The following AKT1 variants were observed in gnomAD, a reference collection of about 807,000 sequenced individuals.
AKT1 encodes RAC-alpha serine/threonine-protein kinase.
A neutral mutation model predicts 63.1 loss-of-function variants in AKT1; 21 were observed. The observed-to-expected ratio is 0.33, with a 90% CI of 0.24 to 0.48. The LOEUF is 0.48. Among genes scored for constraint, AKT1 ranks in the 20% least tolerant of loss-of-function variants. The pLI is 0.99. For synonymous variants in AKT1, 257 were observed against 253.1 expected, an observed-to-expected ratio of 1.02 and a Z score of -0.15; for missense variants, 382 against 666.0, an observed-to-expected ratio of 0.57 and a Z score of 4.69.
Position 104,770,742 on chromosome 14 carries a change from C to A in AKT1, c.1363+3G>T. The A allele has an allele frequency of 6.2e-7, 1 of 1,613,616 alleles. No individual in the cohort carries two copies. The highest frequency in any genetic ancestry group is 8.5e-7 in the Non-Finnish European group (1 of 1,179,606). ...TGGGCGGGGGCAGGCAGTGGCCCCT[C>A]ACCTTGGTCAGGTGGTGTGATGGTG... On this transcript the variant is annotated splice_donor_region_variant and intron_variant, in intron 14 of 14. Coordinates refer to ENST00000649815, the MANE Select transcript of AKT1 (RefSeq NM_001382430.1).
chr14:104,770,857 T>G lies in AKT1; in HGVS notation c.1261-10A>C, dbSNP rs1278310321. The G allele has an allele frequency of 4.3e-6, 7 of 1,612,588 alleles. No individual in the cohort carries two copies. Among genetic ancestry groups the G allele is most frequent in the East Asian group, 4.5e-5 (2 of 44,844 alleles). ...TGAAGGGTGGGCTGAGCTGCAGAGG[T>G]GGGCAGACGGGACAGTCATGAGCTT... On this transcript the variant is annotated splice_polypyrimidine_tract_variant and intron_variant, in intron 13 of 14. Coordinates refer to ENST00000649815, the MANE Select transcript of AKT1 (RefSeq NM_001382430.1).
chr14:104,777,015 G>T lies in AKT1; in HGVS notation c.176-245C>A, dbSNP rs190333080. On this transcript the variant is annotated intron_variant, in intron 4 of 14. Transcript: ENST00000649815. ...CACAGGGCATCTGGCCCGGCGTCAGGTCAAACCCCCACCATCGTCCACTCC... is the reference window on the plus strand; with the variant it reads ...CACAGGGCATCTGGCCCGGCGTCAGTTCAAACCCCCACCATCGTCCACTCC... The T allele has an allele frequency of 5.7e-3, 2,786 of 485,658 alleles. 36 individuals are homozygous for T. The highest frequency in any genetic ancestry group is 8.2e-3 in the Non-Finnish European group (2,190 of 266,866). The allele number at this position is 485,658 out of a possible 1,614,324, so 30.1% of individuals were successfully genotyped here.
At chr14:104,788,028 C>T (rs1003811521) in intron 3 of AKT1, among the ~76,000 whole-genome samples, 25 of 152,310 alleles carry the variant, frequency 1.6e-4, no homozygotes, top group Admixed American at 1.4e-3. Context: ...AGGCCCAGGG[C>T]TGTTGGGACC....
Position 104,795,535 on chromosome 14 carries a change from G to A in AKT1, c.-309C>T, listed in dbSNP as rs1464878600. On this transcript the variant is annotated 5_prime_UTR_variant, in exon 1 of 15. Transcript: ENST00000649815. The surrounding 1 kb of genome is among the most constrained non-coding windows in gnomAD (Gnocchi z 5.1). ...CGGGCCTAGCCGGGCCGCGGCCTCC[G>A]GCGCCCGCCGCTCCGCATCCCCGCG... The A allele has an allele frequency of 6.9e-6, 1 of 145,766 alleles. No homozygotes were observed. The highest frequency in any genetic ancestry group is 1.5e-5 in the Non-Finnish European group (1 of 65,644). 9.0% of individuals were successfully genotyped at this position (145,766 alleles called of 1,614,324 possible). A position where few individuals can be genotyped will look rare whatever the true frequency, so the allele number is the denominator to read the frequency against.
chr14:104,789,597 A>G (rs890699339), intron 3 of AKT1, among the ~76,000 whole-genome samples: 2 of 152,248 alleles, frequency 1.3e-5, no homozygotes, highest in African/African-American at 4.8e-5. Flanking sequence ...TCAGCCTTCA[A>G]AAATCAGGAG....
chr14:104,780,346 T>C, intron 3 of AKT1, 130 bp from the exon 4 acceptor site: 1 of 1,302,474 alleles, frequency 7.7e-7, no homozygotes, highest in Admixed American at 2.6e-5. Context: ...GCAGGCGCGG[T>C]ACGGGAGCTG....
chr14:104,777,836 G>A (rs1377714064), intron 4 of AKT1: 2 of 451,156 alleles, frequency 4.4e-6, no homozygotes, highest in South Asian at 9.3e-5. Context: ...CTCGGGACCA[G>A]CCTGGTGGGG....
rs1041635039 is a variant in AKT1 at position 104,779,733 on chromosome 14, G to A, written c.175+355C>T. Among the ~76,000 whole-genome samples the A allele has an allele frequency of 3.6e-3, 526 of 144,570 alleles. 4 individuals carry two copies. Among genetic ancestry groups the A allele is most frequent in the African/African-American group, 0.013 (491 of 37,614 alleles). The allele number at this position is 144,570 out of a possible 152,430, so 94.8% of individuals were successfully genotyped here. On this transcript the variant is annotated intron_variant, in intron 4 of 14. Transcript: ENST00000649815. ...CCCCGGCCCAGCCAGCCTCGGCCTC[G>A]GGACTCGGACCAGAGACCCCCGCCC... is the stretch of plus-strand genomic sequence containing the variant.
At chr14:104,776,954 C>G (rs1335901326) in intron 4 of AKT1, 184 bp from the exon 5 acceptor site, 2 of 570,758 alleles carry the variant, frequency 3.5e-6, no homozygotes, top group East Asian at 6.0e-5. Flanking sequence ...GACCCCTGTT[C>G]CAGCTCAGAC....
At chr14:104,781,964 A>G (rs1238782639) in intron 3 of AKT1, among the ~76,000 whole-genome samples, 1 of 152,194 alleles carries the variant, frequency 6.6e-6, no homozygotes, top group African/African-American at 2.4e-5. Flanking sequence ...GCTGCCGAGC[A>G]GGCGTGGTCC....
intron 4 of AKT1, chr14:104,778,433 C>G (rs1158103461): frequency 6.6e-6 from 1 of 152,278 alleles, no homozygotes; most frequent in Non-Finnish European, 1.5e-5. Flanking sequence ...GGGTGCCCTA[C>G]TCTATCAGGC....
intron 3 of AKT1, among the ~76,000 whole-genome samples, chr14:104,791,711 T>G (rs1291024591): frequency 6.6e-6 from 1 of 152,202 alleles, no homozygotes; most frequent in Non-Finnish European, 1.5e-5. Flanking sequence ...CTACCAGATG[T>G]GAAACCCATC....
intron 14 of AKT1, 161 bp from the exon 15 acceptor site, chr14:104,770,581 C>T: frequency 1.1e-5 from 10 of 909,734 alleles, no homozygotes; most frequent in Non-Finnish European, 1.5e-5. Context: ...GGGACCTGGG[C>T]CCTCAGAGCA....
chr14:104,782,300 T>C (rs1356950209), intron 3 of AKT1, among the ~76,000 whole-genome samples: 1 of 152,028 alleles, frequency 6.6e-6, no homozygotes, highest in African/African-American at 2.4e-5. Context: ...CCCGGGACGC[T>C]AACTGAGCGG....
At chr14:104,790,251 AGCACCCT>A (rs1264263912) in intron 3 of AKT1, among the ~76,000 whole-genome samples, 1 of 152,172 alleles carries the variant, frequency 6.6e-6, no homozygotes, top group African/African-American at 2.4e-5. Flanking sequence ...CTCTGAGACA[AGCACCCT>A]GACCTGCAGG....
intron 3 of AKT1, among the ~76,000 whole-genome samples, chr14:104,790,592 G>T (rs1361240650): frequency 6.6e-6 from 1 of 152,198 alleles, no homozygotes; most frequent in Non-Finnish European, 1.5e-5. Flanking sequence ...CCGGCCATGC[G>T]GGTGGACGCC....
At position 104,784,272 on chromosome 14, in the gene AKT1, G is replaced by C. The variant is rs995044447; in HGVS notation, c.47-4056C>G. 2.0e-5 allele frequency among the ~76,000 whole-genome samples: 3 copies of C among 152,192 alleles called. No individual in the cohort carries two copies. The East Asian group carries it at 5.8e-4, about 29-fold the overall frequency. ...CAGGTCCTGTGAAGCCACAAGGGCA[G>C]GGGCTCCTGTGCCTGATGAAACCCG... On this transcript the variant is annotated intron_variant, in intron 3 of 14. Transcript: ENST00000649815.
chr14:104,784,196 G>C (rs1893217614), intron 3 of AKT1, among the ~76,000 whole-genome samples: 1 of 152,160 alleles, frequency 6.6e-6, no homozygotes, highest in African/African-American at 2.4e-5. Context: ...CCCTGGGCCA[G>C]GTGGGAGCCA....
At position 104,770,166 on chromosome 14, in the gene AKT1, C is replaced by T. The variant is rs1194439197; in HGVS notation, c.*175G>A. The T allele has an allele frequency of 6.0e-6, 4 of 670,788 alleles. No homozygotes were observed. Among genetic ancestry groups the T allele is most frequent in the East Asian group, 2.7e-5 (1 of 36,710 alleles). The allele number at this position is 670,788 out of a possible 1,614,324, so 41.6% of individuals were successfully genotyped here. The stretch of plus-strand genomic sequence containing the variant: ...CGCAGGATAGTTTTCTTCCCTACCC[C>T]GCTGCGGGGGAGGGTGCTGCCCACA... On this transcript the variant is annotated 3_prime_UTR_variant, in exon 15 of 15. Transcript: ENST00000649815.
Sources: allele counts gnomAD v4.1 joint callset (sites outside exome capture counted in the v4.1 genomes callset), GRCh38; gene constraint gnomAD v4.1.1; non-coding constraint Gnocchi (gnomAD v3.1); transcripts MANE v1.5; gene names NCBI Gene and HGNC (gene_info 2026-07-23, HGNC 2026-07-21).